Variants in MLLT3 observed in about 807,000 individuals in gnomAD.
MLLT3 encodes the protein MLLT3 super elongation complex subunit.
MLLT3 carries 4 observed loss-of-function variants against 53.2 expected under a neutral mutation model. That is an observed-to-expected ratio of 0.08 (90% CI 0.04 to 0.17). The LOEUF is 0.17. Ranked by LOEUF, MLLT3 falls within the 10% of genes least tolerant of loss-of-function variation. The pLI is 1.00. For synonymous variants in MLLT3, 283 were observed against 230.6 expected (o/e 1.23, Z -2.06); for missense variants, 569 against 684.0 (o/e 0.83, Z 1.87).
chr9:20,359,145 C>CAAAAAAAAAAA (rs920197622), intron 8 of MLLT3, among the ~76,000 whole-genome samples: 2 of 20,982 alleles, frequency 9.5e-5, no homozygotes, highest in African/African-American at 3.2e-4. Flanking sequence ...AACTCCATCT[C>CAAAAAAAAAAA]AAAAAAAAAA....
intron 2 of MLLT3, among the ~76,000 whole-genome samples, chr9:20,557,522 C>T (rs1819093169): frequency 6.6e-6 from 1 of 152,178 alleles, no homozygotes; most frequent in African/African-American, 2.4e-5. Context: ...ACTACAGTGA[C>T]TATCACCACA....
At chr9:20,362,168 G>C (rs901330927) in intron 7 of MLLT3, among the ~76,000 whole-genome samples, 22 of 152,160 alleles carry the variant, frequency 1.4e-4, no homozygotes, top group Non-Finnish European at 1.3e-4. Context: ...CGGTCAGGCA[G>C]GGAACAAGAA....
At chr9:20,418,052 G>T (rs939101056) in intron 4 of MLLT3, among the ~76,000 whole-genome samples, 1 of 152,166 alleles carries the variant, frequency 6.6e-6, no homozygotes, top group African/African-American at 2.4e-5. Flanking sequence ...TTTGTTCAAT[G>T]AAATTTGCAT....
chr9:20,541,677 A>G (rs1216406027), intron 2 of MLLT3, among the ~76,000 whole-genome samples: 2 of 152,338 alleles, frequency 1.3e-5, no homozygotes, highest in East Asian at 1.9e-4. Context: ...ACAATTTGAC[A>G]TGAGATTTGG....
At chr9:20,347,729 C>T (rs893026945) in intron 10 of MLLT3, among the ~76,000 whole-genome samples, 9 of 152,150 alleles carry the variant, frequency 5.9e-5, no homozygotes, top group Admixed American at 4.6e-4. Context: ...ACAGAGTAAA[C>T]AGCTGACAAA....
intron 2 of MLLT3, among the ~76,000 whole-genome samples, chr9:20,587,186 C>CAAAA (rs11393182): frequency 9.4e-6 from 1 of 106,248 alleles, no homozygotes; most frequent in Admixed American, 1.0e-4. Context: ...ATAGCTAGGC[C>CAAAA]AAAAAAAAAA....
intron 5 of MLLT3, among the ~76,000 whole-genome samples, chr9:20,373,495 ACT>A (rs1821673321): frequency 6.6e-6 from 1 of 152,256 alleles, no homozygotes; most frequent in Non-Finnish European, 1.5e-5. Flanking sequence ...CTGATCCTGT[ACT>A]AAGAGCATAC....
At chr9:20,421,594 C>T (rs557032527) in intron 4 of MLLT3, among the ~76,000 whole-genome samples, 11 of 152,246 alleles carry the variant, frequency 7.2e-5, no homozygotes, top group African/African-American at 2.4e-4. Context: ...GTATAATGTC[C>T]TGACATATAT....
Position 20,343,119 on chromosome 9 carries a change from T to C in MLLT3, c.*3324A>G, listed in dbSNP as rs142901940. ...GCTTGAAGTAGTAAATAGGATGTTATACAGGCCTAAAATTGTTTCTTCTCT... is the reference window on the plus strand; with the variant it reads ...GCTTGAAGTAGTAAATAGGATGTTACACAGGCCTAAAATTGTTTCTTCTCT... On this transcript the variant is annotated 3_prime_UTR_variant, in exon 11 of 11. Coordinates refer to ENST00000380338, the MANE Select transcript of MLLT3 (RefSeq NM_004529.4). The C allele has an allele frequency of 3.5e-3, 549 of 155,376 alleles. 2 individuals carry two copies. The highest frequency in any genetic ancestry group is 5.3e-3 in the Non-Finnish European group (421 of 79,336). The allele number at this position is 155,376 out of a possible 1,614,324, so 9.6% of individuals were successfully genotyped here.
chr9:20,556,394 G>A (rs1344212057), intron 2 of MLLT3, among the ~76,000 whole-genome samples: 1 of 152,044 alleles, frequency 6.6e-6, no homozygotes, highest in Non-Finnish European at 1.5e-5. Flanking sequence ...AATAAAAAGT[G>A]GGGGAGAAGG....
chr9:20,387,090 A>G (rs1357050912), intron 5 of MLLT3, among the ~76,000 whole-genome samples: 1 of 152,248 alleles, frequency 6.6e-6, no homozygotes, highest in Admixed American at 6.5e-5. Context: ...CGGATCCTCT[A>G]TAGCAAGAGT....
intron 5 of MLLT3, among the ~76,000 whole-genome samples, chr9:20,388,146 T>C (rs1822087548): frequency 6.6e-6 from 1 of 152,012 alleles, no homozygotes; most frequent in South Asian, 2.1e-4. Context: ...AAAAGGAAGA[T>C]CAAGTATTGA....
chr9:20,503,635 T>G (rs959941967), intron 2 of MLLT3, among the ~76,000 whole-genome samples: 1 of 152,020 alleles, frequency 6.6e-6, no homozygotes, highest in African/African-American at 2.4e-5. Context: ...TTATTCTGGG[T>G]GATGATTCTT....
rs748190707 is a variant in MLLT3, at chr9:20,555,007, T to G, written c.193+65647A>C. Reference sequence around the variant, plus strand: ...TTTAATCTTAATTTTAATTATTCCTTTCTAATTAATTAACTACAACTAGAC... The same window carrying G: ...TTTAATCTTAATTTTAATTATTCCTGTCTAATTAATTAACTACAACTAGAC... On this transcript the variant is annotated intron_variant, in intron 2 of 10. Transcript: ENST00000380338. Among the ~76,000 whole-genome samples, 7 of 152,356 alleles carry G rather than the reference T, an allele frequency of 4.6e-5. No homozygotes were observed. The East Asian group carries it at 1.3e-3, about 29-fold the overall frequency.
At chr9:20,553,387 G>A (rs185910672) in intron 2 of MLLT3, among the ~76,000 whole-genome samples, 106 of 152,236 alleles carry the variant, frequency 7.0e-4, no homozygotes, top group Middle Eastern at 6.8e-3. Flanking sequence ...TTCAACAAAG[G>A]ACAGCTGACA....
intron 2 of MLLT3, among the ~76,000 whole-genome samples, chr9:20,570,630 T>C (rs563611198): frequency 6.6e-6 from 1 of 152,322 alleles, no homozygotes; most frequent in Non-Finnish European, 1.5e-5. Context: ...AATTTTTGTA[T>C]TTGTCAGAAC....
intron 2 of MLLT3, among the ~76,000 whole-genome samples, chr9:20,499,676 C>A (rs1410212537): frequency 6.6e-6 from 1 of 152,206 alleles, no homozygotes; most frequent in African/African-American, 2.4e-5. Context: ...GCTTAAGGGT[C>A]TACCCTGAGC....
intron 4 of MLLT3, among the ~76,000 whole-genome samples, chr9:20,416,685 C>G (rs1031117598): frequency 6.6e-6 from 1 of 152,036 alleles, no homozygotes; most frequent in African/African-American, 2.4e-5. Flanking sequence ...CCTTTTTATC[C>G]ACTCAATAAA....
intron 5 of MLLT3, among the ~76,000 whole-genome samples, chr9:20,398,700 G>A (rs962161970): frequency 3.3e-5 from 5 of 152,080 alleles, no homozygotes; most frequent in African/African-American, 1.2e-4. Context: ...AAATAGGGAG[G>A]CAGAAATTTC....
Sources: allele counts gnomAD v4.1 joint callset (sites outside exome capture counted in the v4.1 genomes callset), GRCh38; gene constraint gnomAD v4.1.1; transcripts MANE v1.5; gene names NCBI Gene and HGNC (gene_info 2026-07-23, HGNC 2026-07-21).